The following TLCD1 variants were observed in gnomAD, a reference collection of about 807,000 sequenced individuals.
TLCD1 encodes the protein TLC domain containing 1, also known as TLC domain-containing protein 1.
TLCD1 carries 21 observed loss-of-function variants against 21.2 expected under a neutral mutation model. That is an observed-to-expected ratio of 0.99 (90% confidence interval 0.70 to 1.42). TLCD1 has a LOEUF of 1.42. Ranked by LOEUF, TLCD1 falls within the 40% of genes most tolerant of loss-of-function variation. The pLI is 0.00. For missense variants in TLCD1, 344 were observed against 330.3 expected, an observed-to-expected ratio of 1.04 and a Z score of -0.32; for synonymous variants, 168 against 134.8, an observed-to-expected ratio of 1.25 and a Z score of -1.71.
chr17:28,726,091 G>T lies in TLCD1; in HGVS notation c.7C>A (p.Arg3=). Residue 3 remains arginine, a synonymous_variant, in exon 1 of 4, where the codon CGA becomes AGA. Coordinates refer to ENST00000292090, the MANE Select transcript of TLCD1 (RefSeq NM_138463.4). MP[R]LLHPALPLLL... ...AGCGGCAGGGCGGGGTGCAGCAGTC[G>T]GGGCATGCTGGCCCTCCCTGCCGTC... is the stretch of plus-strand genomic sequence containing the variant. 6.9e-7 allele frequency: 1 copy of T among 1,452,624 alleles called. No homozygotes were observed. Among genetic ancestry groups the T allele is most frequent in the South Asian group, 1.5e-5 (1 of 68,796 alleles). The allele number at this position is 1,452,624 out of a possible 1,614,324, so 90.0% of individuals were successfully genotyped here.
chr17:28,725,674 T>C (rs1282447871), intron 1 of TLCD1, 111 bp from the exon 2 acceptor site: 3 of 1,294,542 alleles, frequency 2.3e-6, no homozygotes, highest in Non-Finnish European at 3.3e-6. Context: ...AGTGGCTGAC[T>C]GGGAAGCTAA....
chr17:28,724,838 A>T lies in TLCD1; in HGVS notation c.416T>A (p.Val139Asp). 2 of 1,613,882 alleles carry T rather than the reference A, an allele frequency of 1.2e-6. No homozygotes were observed. The highest frequency in any genetic ancestry group is 1.7e-6 in the Non-Finnish European group (2 of 1,179,978). Residue 139 changes from valine (V) to aspartate (D), a missense_variant, in exon 4 of 4, where the codon GTC (valine) becomes GAC (aspartate). Coordinates refer to ENST00000292090, the MANE Select transcript of TLCD1 (RefSeq NM_138463.4). ...GCTGACTTCCACCAGTAGTGTTAAGACACCCCCACCGACAAAGCTGCTCCA... is the reference window on the plus strand; with the variant it reads ...GCTGACTTCCACCAGTAGTGTTAAGTCACCCCCACCGACAAAGCTGCTCCA... ...IFWSSFVGGG[V>D]LTLLVEVSNI...
chr17:28,724,943 C>A, intron 3 of TLCD1, 50 bp from the exon 4 acceptor site: 1 of 1,567,590 alleles, frequency 6.4e-7, no homozygotes, highest in South Asian at 1.2e-5. Flanking sequence ...CAGACGCTTT[C>A]CTGGAAGTTT....
upstream of TLCD1, chr17:28,727,081 A>G (rs2034244255): frequency 3.6e-6 from 2 of 551,804 alleles, no homozygotes; most frequent in South Asian, 2.2e-5. Context: ...GAGTTTAGGT[A>G]TAAACTCTGG....
In TLCD1 at chr17:28,725,534, T is replaced by C. The variant is rs1475253259; in HGVS notation, c.224A>G (p.Glu75Gly). 8 of 1,614,042 alleles carry C rather than the reference T, an allele frequency of 5.0e-6. No individual in the cohort carries two copies. The highest frequency in any genetic ancestry group is 6.8e-6 in the Non-Finnish European group (8 of 1,179,982). Residue 75 changes from glutamate (E) to glycine (G), a missense_variant, in exon 2 of 4, where the codon GAG becomes GGG. Coordinates refer to ENST00000292090, the MANE Select transcript of TLCD1 (RefSeq NM_138463.4). ...CVWQTPDMLV[E>G]IETAWSLSGY... is the part of the protein sequence containing the mutation. ...AGAAAGTGACCACGCCGTCTCAATC[T>C]CCACTAACATGTCAGGAGTCTGCCA...
At chr17:28,726,796 C>A (rs1458641830), upstream of TLCD1, 1 of 1,548,986 alleles carries the variant, frequency 6.5e-7, no homozygotes, top group Non-Finnish European at 8.7e-7. Context: ...TTGGGAACTG[C>A]TGAGTAACCC....
upstream of TLCD1, chr17:28,726,314 CCCCCGCCCCGTCCGCCT>C: frequency 3.0e-6 from 3 of 987,064 alleles, no homozygotes; most frequent in Admixed American, 5.1e-5. Flanking sequence ...CGCCCGCCTG[CCCCCGCCCCGTCCGCCT>C]GCCCCCGCCC....
chr17:28,726,974 G>C (rs1387485421), upstream of TLCD1: 1 of 674,762 alleles, frequency 1.5e-6, no homozygotes, highest in East Asian at 2.7e-5. Context: ...CCGGTAGCTT[G>C]CAGCAGTTGC....
At position 28,726,087 on chromosome 17, in the gene TLCD1, A is replaced by G; in HGVS notation, c.11T>C (p.Leu4Pro). ...GAGCAGCGGCAGGGCGGGGTGCAGC[A>G]GTCGGGGCATGCTGGCCCTCCCTGC... MPR[L>P]LHPALPLLLG... Residue 4 changes from leucine to proline, a missense_variant, in exon 1 of 4, where the codon CTG (leucine) becomes CCG (proline). Transcript: ENST00000292090. 2.0e-6 allele frequency: 3 copies of G among 1,467,190 alleles called. No homozygotes were observed. The highest frequency in any genetic ancestry group is 2.7e-6 in the Non-Finnish European group (3 of 1,118,808). The allele number at this position is 1,467,190 out of a possible 1,614,324, so 90.9% of individuals were successfully genotyped here.
intron 3 of TLCD1, 115 bp from the exon 4 acceptor site, chr17:28,725,008 T>G: frequency 8.5e-7 from 1 of 1,178,012 alleles, no homozygotes; most frequent in Non-Finnish European, 1.2e-6. Flanking sequence ...CCCCCTGGAA[T>G]AATAGTTTAT....
upstream of TLCD1, chr17:28,727,535 T>TCCTCACACCCCTTG: frequency 6.6e-6 from 1 of 152,440 alleles, no homozygotes; most frequent in South Asian, 2.1e-4. Flanking sequence ...AACGCCCCTT[T>TCCTCACACCCCTTG]CCTCACACCC....
In TLCD1 at chr17:28,724,389, G is replaced by T; in HGVS notation, c.*121C>A. 1.6e-6 allele frequency: 2 copies of T among 1,237,746 alleles called. No homozygotes were observed. Among genetic ancestry groups the T allele is most frequent in the Non-Finnish European group, 2.3e-6 (2 of 887,812 alleles). 76.7% of individuals were successfully genotyped at this position (1,237,746 alleles called of 1,614,324 possible). ...CATTAGTGTTTTCAATAGTGTGGGCGCAGGCTCAGAAGGTGGAGAGGCTGG... is the reference window on the plus strand; with the variant it reads ...CATTAGTGTTTTCAATAGTGTGGGCTCAGGCTCAGAAGGTGGAGAGGCTGG... On this transcript the variant is annotated 3_prime_UTR_variant, in exon 4 of 4. Transcript: ENST00000292090.
In TLCD1 at chr17:28,724,808, A is replaced by G. The variant is rs764895381; in HGVS notation, c.446T>C (p.Ile149Thr). 2.5e-6 allele frequency: 4 copies of G among 1,614,102 alleles called. No homozygotes were observed. The highest frequency in any genetic ancestry group is 3.4e-6 in the Non-Finnish European group (4 of 1,180,028). ...VLTLLVEVSNIFLTIRMMMKI... is the reference protein window; with the variant it reads ...VLTLLVEVSNTFLTIRMMMKI... ...CATCATCATGCGAATGGTGAGGAAG[A>G]TGTTGCTGACTTCCACCAGTAGTGT... Residue 149 changes from isoleucine (I) to threonine (T), a missense_variant, in exon 4 of 4, where the codon ATC (isoleucine) becomes ACC (threonine). By Grantham distance (89) the Ile-to-Thr change is moderately conservative. Coordinates refer to ENST00000292090, the MANE Select transcript of TLCD1 (RefSeq NM_138463.4).
intron 1 of TLCD1, 121 bp from the exon 2 acceptor site, chr17:28,725,684 AG>A: frequency 8.1e-7 from 1 of 1,241,802 alleles, no homozygotes; most frequent in East Asian, 2.5e-5. Context: ...TGGGAAGCTA[AG>A]AGTGGCTGGG....
upstream of TLCD1, chr17:28,726,808 T>A (rs546807173): frequency 6.5e-7 from 1 of 1,548,258 alleles, no homozygotes; most frequent in African/African-American, 1.4e-5. Context: ...GAGTAACCCA[T>A]CGCCACCTCT....
rs373385582 is a variant in TLCD1 at position 28,724,935 on chromosome 17, G to C, written c.361-42C>G. 1.3e-5 allele frequency: 20 copies of C among 1,575,592 alleles called. No homozygotes were observed. In the African/African-American group the frequency reaches 1.8e-4, roughly 14 times the overall value. Reference sequence around the variant, plus strand: ...ATAGGAGTTAGGGAACCCAGATGCAGACGCTTTCCTGGAAGTTTGGGGGGT... The same window carrying C: ...ATAGGAGTTAGGGAACCCAGATGCACACGCTTTCCTGGAAGTTTGGGGGGT... On this transcript the variant is annotated intron_variant, in intron 3 of 3. Coordinates refer to ENST00000292090, the MANE Select transcript of TLCD1 (RefSeq NM_138463.4).
Position 28,725,881 on chromosome 17 carries a change from C to T in TLCD1, c.194+23G>A, listed in dbSNP as rs551079477. 11 of 1,608,452 alleles carry T rather than the reference C, an allele frequency of 6.8e-6. No homozygotes were observed. In the African/African-American group the frequency reaches 1.3e-4, roughly 20 times the overall value. ...CCCGCTCAGGATCCCCTGGCCACCT[C>T]ATTTCCACAGTCGCTCACTCACCAC... is the stretch of plus-strand genomic sequence containing the variant. On this transcript the variant is annotated intron_variant, in intron 1 of 3. Coordinates refer to ENST00000292090, the MANE Select transcript of TLCD1 (RefSeq NM_138463.4).
In TLCD1 at chr17:28,726,199, G is replaced by A; in HGVS notation, c.-102C>T. The A allele has an allele frequency of 1.5e-6, 2 of 1,371,200 alleles. No individual in the cohort carries two copies. Among genetic ancestry groups the A allele is most frequent in the Non-Finnish European group, 9.3e-7 (1 of 1,070,494 alleles). 84.9% of individuals were successfully genotyped at this position (1,371,200 alleles called of 1,614,324 possible). On this transcript the variant is annotated 5_prime_UTR_variant, in exon 1 of 4. Coordinates refer to ENST00000292090, the MANE Select transcript of TLCD1 (RefSeq NM_138463.4). ...TCCAGGCCGGCCGCCTCTCCCGCCG[G>A]CCGCCAGCCCCACACAGTTGGCGAA...
In TLCD1 at chr17:28,724,377, A is replaced by G; in HGVS notation, c.*133T>C. ...GAGGAGTACTTTCATTAGTGTTTTC[A>G]ATAGTGTGGGCGCAGGCTCAGAAGG... On this transcript the variant is annotated 3_prime_UTR_variant, in exon 4 of 4. Coordinates refer to ENST00000292090, the MANE Select transcript of TLCD1 (RefSeq NM_138463.4). 1 of 1,156,422 alleles carries G rather than the reference A, an allele frequency of 8.6e-7. No homozygotes were observed. Among genetic ancestry groups the G allele is most frequent in the African/African-American group, 1.5e-5 (1 of 64,934 alleles). 71.6% of individuals were successfully genotyped at this position (1,156,422 alleles called of 1,614,324 possible).
Sources: allele counts gnomAD v4.1 joint callset, GRCh38; gene constraint gnomAD v4.1.1; transcripts MANE v1.5; gene names NCBI Gene and HGNC (gene_info 2026-07-23, HGNC 2026-07-21).